The following DLG2 variants were observed in gnomAD, a reference collection of about 807,000 sequenced individuals.
The protein encoded by DLG2 is disks large homolog 2.
In DLG2, 45 loss-of-function variants were observed where a neutral mutation model predicts 132.5. The observed-to-expected ratio is 0.34, with a 90% CI of 0.27 to 0.44. DLG2 has a LOEUF of 0.44. DLG2 is among the 20% of genes least tolerant of loss of function. The probability of loss-of-function intolerance (pLI) is 1.00; values close to 1 mark genes in which losing one functional copy is unlikely to be tolerated. For missense variants in DLG2, 1,045 were observed against 1,196.9 expected, an observed-to-expected ratio of 0.87 and a Z score of 1.87; for synonymous variants, 424 against 419.6, an observed-to-expected ratio of 1.01 and a Z score of -0.13.
intron 4 of DLG2, among the ~76,000 whole-genome samples, chr11:85,245,340 T>A (rs2076081313): frequency 1.3e-5 from 2 of 152,032 alleles, no homozygotes; most frequent in African/African-American, 4.8e-5. Context: ...TCCTTCACTT[T>A]AACCAATGTC....
At chr11:84,482,805 T>C (rs2099141223) in intron 7 of DLG2, among the ~76,000 whole-genome samples, 1 of 152,124 alleles carries the variant, frequency 6.6e-6, no homozygotes, top group South Asian at 2.1e-4. Context: ...TAAGTGAAAA[T>C]AATAGGTGTT....
At chr11:85,055,450 T>A (rs916504128) in intron 6 of DLG2, among the ~76,000 whole-genome samples, 2 of 152,186 alleles carry the variant, frequency 1.3e-5, no homozygotes, top group African/African-American at 4.8e-5. Context: ...ACTCAACACA[T>A]CTTTTCCCCT....
rs922036856 is a variant in DLG2 at position 83,930,398 on chromosome 11, T to C, written c.1426A>G (p.Lys476Glu). The C allele has an allele frequency of 1.2e-6, 2 of 1,613,972 alleles. No individual in the cohort carries two copies. The highest frequency in any genetic ancestry group is 2.7e-5 in the African/African-American group (2 of 74,912). The change falls in exon 15 of 28, where the codon AAA (lysine) becomes GAA (glutamate). Residue 476 changes from lysine to glutamate, a missense_variant. By Grantham distance (56) the Lys-to-Glu change is moderately conservative. Transcript: ENST00000376104. ...TAGGGAGCTGAGAGGAGGAAGCTTTTGTCACACTCAACAGGGGAATAGTGC... is the reference window on the plus strand; with the variant it reads ...TAGGGAGCTGAGAGGAGGAAGCTTTCGTCACACTCAACAGGGGAATAGTGC... The part of the protein sequence containing the change: ...PRHYSPVECD[K>E]SFLLSAPYSH...
At chr11:84,141,307 T>C (rs2154238628) in intron 9 of DLG2, among the ~76,000 whole-genome samples, 1 of 151,528 alleles carries the variant, frequency 6.6e-6, no homozygotes, top group South Asian at 2.1e-4. Flanking sequence ...ATATATAATA[T>C]AGAATATAGA....
rs2099544263 is a variant in DLG2 at position 84,591,911 on chromosome 11, T to C, written c.358-57180A>G. Among the ~76,000 whole-genome samples the C allele has an allele frequency of 2.0e-5, 3 of 152,102 alleles. No individual in the cohort carries two copies. In the South Asian group the frequency reaches 6.2e-4, roughly 32 times the overall value. ...CTCTGTCACCCAGGCTAGAGTGCAGTGGCATGATCTTGGCTAATTGCAACC... is the reference window on the plus strand; with the variant it reads ...CTCTGTCACCCAGGCTAGAGTGCAGCGGCATGATCTTGGCTAATTGCAACC... On this transcript the variant is annotated intron_variant, in intron 6 of 27. Transcript: ENST00000376104.
At chr11:83,909,477 A>G (rs560727077) in intron 15 of DLG2, among the ~76,000 whole-genome samples, 8 of 152,292 alleles carry the variant, frequency 5.3e-5, no homozygotes, top group African/African-American at 1.9e-4. Flanking sequence ...ACTGTCAAAG[A>G]CCTCACTTAC....
At chr11:84,459,017 C>T (rs1652245178) in intron 7 of DLG2, among the ~76,000 whole-genome samples, 1 of 150,572 alleles carries the variant, frequency 6.6e-6, no homozygotes, top group African/African-American at 2.4e-5. Flanking sequence ...CAAGGTTATA[C>T]ACCTAGTAAA....
intron 7 of DLG2, among the ~76,000 whole-genome samples, chr11:84,253,221 T>C (rs1389520889): frequency 2.6e-5 from 4 of 152,128 alleles, no homozygotes; most frequent in African/African-American, 9.7e-5. Flanking sequence ...GTATGAGGTC[T>C]GCAGTCAGAA....
At chr11:83,746,485 C>T (rs2153727575) in intron 18 of DLG2, among the ~76,000 whole-genome samples, 1 of 152,130 alleles carries the variant, frequency 6.6e-6, no homozygotes, top group Non-Finnish European at 1.5e-5. Flanking sequence ...GGACAAAAAA[C>T]CAAACACCGC....
chr11:83,491,690 T>A (rs1054113578), intron 21 of DLG2, among the ~76,000 whole-genome samples: 1 of 151,988 alleles, frequency 6.6e-6, no homozygotes, highest in African/African-American at 2.4e-5. Flanking sequence ...AGTAGGATGT[T>A]TTCCTTAACG....
At chr11:84,250,975 T>C (rs1349358720) in intron 8 of DLG2, among the ~76,000 whole-genome samples, 4 of 152,234 alleles carry the variant, frequency 2.6e-5, no homozygotes, top group African/African-American at 9.6e-5. Flanking sequence ...AGTGAGCCAC[T>C]TAGCAAACTA....
At chr11:84,055,095 T>G (rs2096474179) in intron 11 of DLG2, among the ~76,000 whole-genome samples, 1 of 151,954 alleles carries the variant, frequency 6.6e-6, no homozygotes, top group Admixed American at 6.6e-5. Flanking sequence ...AGACAGACCT[T>G]CTCCAGTTCT....
chr11:85,425,997 G>C (rs182505125), intron 3 of DLG2, among the ~76,000 whole-genome samples: 6 of 152,174 alleles, frequency 3.9e-5, no homozygotes, highest in Admixed American at 2.6e-4. Context: ...TACATCCTGC[G>C]CCTGATTCGG....
chr11:83,886,611 A>G (rs1263385977), intron 15 of DLG2, among the ~76,000 whole-genome samples: 1 of 151,964 alleles, frequency 6.6e-6, no homozygotes, highest in Non-Finnish European at 1.5e-5. Flanking sequence ...ATAGACATCT[A>G]CAGAACTCTC....
intron 7 of DLG2, among the ~76,000 whole-genome samples, chr11:84,401,372 T>C (rs1302766986): frequency 6.6e-6 from 1 of 152,162 alleles, no homozygotes; most frequent in Non-Finnish European, 1.5e-5. Context: ...ATTTGTTTAA[T>C]GTCTTTCCTC....
At chr11:84,641,273 C>G (rs1312453613) in intron 6 of DLG2, among the ~76,000 whole-genome samples, 1 of 152,166 alleles carries the variant, frequency 6.6e-6, no homozygotes, top group Non-Finnish European at 1.5e-5. Flanking sequence ...ACAATAATAC[C>G]TCTTTTAAAA....
At chr11:83,656,943 C>T (rs1193688287) in intron 18 of DLG2, among the ~76,000 whole-genome samples, 2 of 152,088 alleles carry the variant, frequency 1.3e-5, no homozygotes, top group Non-Finnish European at 2.9e-5. Flanking sequence ...TTCATACTTC[C>T]AGGTCTTCTC....
chr11:84,384,729 T>A (rs1050761184), intron 7 of DLG2, among the ~76,000 whole-genome samples: 1 of 152,004 alleles, frequency 6.6e-6, no homozygotes, highest in Non-Finnish European at 1.5e-5. Context: ...TTCCTTTAAA[T>A]AAAGTATCTG....
intron 18 of DLG2, among the ~76,000 whole-genome samples, chr11:83,751,600 T>C (rs76831675): frequency 0.022 from 3,274 of 152,200 alleles, 109 homozygotes; most frequent in East Asian, 0.16. Context: ...GATATAAATC[T>C]AAGGTGTAGC....
Sources: allele counts gnomAD v4.1 joint callset (sites outside exome capture counted in the v4.1 genomes callset), GRCh38; gene constraint gnomAD v4.1.1; transcripts MANE v1.5; gene names NCBI Gene and HGNC (gene_info 2026-07-23, HGNC 2026-07-21).